TEKT5: variants seen among roughly 807,000 people sequenced by gnomAD.
TEKT5 encodes tektin-5.
In TEKT5, 52 loss-of-function variants were observed where a neutral mutation model predicts 48.7. That is an observed-to-expected ratio of 1.07 (90% CI 0.86 to 1.35). The LOEUF (loss-of-function observed/expected upper bound fraction) is 1.35, where lower values mean the gene tolerates loss of function less well. Among genes scored for constraint, TEKT5 ranks in the 40% most tolerant of loss-of-function variants. The pLI is 0.00. For synonymous variants in TEKT5, 318 were observed against 267.6 expected (o/e 1.19, Z -1.84); for missense variants, 831 against 641.6 (o/e 1.30, Z -3.19).
At chr16:10,676,427 G>A (rs1000436062) in intron 4 of TEKT5, among the ~76,000 whole-genome samples, 11 of 152,152 alleles carry the variant, frequency 7.2e-5, no homozygotes, top group African/African-American at 2.7e-4. Flanking sequence ...AAATGGGAGG[G>A]TGCAGTCGCC....
chr16:10,673,050 TC>T (rs1359247807), intron 5 of TEKT5, among the ~76,000 whole-genome samples: 4 of 152,104 alleles, frequency 2.6e-5, no homozygotes, highest in African/African-American at 9.7e-5. Flanking sequence ...AAGAAAGTTG[TC>T]CAAGTTTATA....
chr16:10,649,157 T>C (rs1898115331), intron 5 of TEKT5, among the ~76,000 whole-genome samples: 1 of 152,172 alleles, frequency 6.6e-6, no homozygotes, highest in African/African-American at 2.4e-5. Flanking sequence ...CTCACTATGT[T>C]GCCTAGGCTG....
rs747708531 is a variant in TEKT5 at position 10,694,653 on chromosome 16, G to A, written c.221C>T (p.Pro74Leu). The A allele has an allele frequency of 9.3e-6, 15 of 1,613,044 alleles. No homozygotes were observed. The highest frequency in any genetic ancestry group is 1.7e-5 in the Admixed American group (1 of 59,950). The change falls in exon 1 of 7, where the codon CCG becomes CTG. Residue 74 changes from proline (P) to leucine (L), a missense_variant. Pro to Leu is a moderately conservative substitution (Grantham distance 98). Coordinates refer to ENST00000283025, the MANE Select transcript of TEKT5 (RefSeq NM_144674.2). ...GCGCAGTGTGGGCAGGATGGTGGGC[G>A]GCCGCAGGGTACTGGTGCTCTCGTC... Reference protein sequence around the residue: ...CPDESTSTLRPPTILPTLRSA... With the variant: ...CPDESTSTLRLPTILPTLRSA...
At chr16:10,630,521 G>T (rs1897824152) in intron 6 of TEKT5, among the ~76,000 whole-genome samples, 1 of 152,226 alleles carries the variant, frequency 6.6e-6, no homozygotes, top group African/African-American at 2.4e-5. Flanking sequence ...TTTGAGCAGA[G>T]AAGAAAGATA....
At chr16:10,665,672 G>C (rs1230391953) in intron 5 of TEKT5, among the ~76,000 whole-genome samples, 1 of 152,134 alleles carries the variant, frequency 6.6e-6, no homozygotes, top group African/African-American at 2.4e-5. Context: ...ACAGCTCTCA[G>C]AATTTCCCAT....
intron 5 of TEKT5, among the ~76,000 whole-genome samples, chr16:10,636,232 G>A (rs905841215): frequency 3.3e-5 from 5 of 152,160 alleles, no homozygotes; most frequent in Admixed American, 6.5e-5. Flanking sequence ...AAAATTAGCC[G>A]GGCGTGGTGG....
intron 5 of TEKT5, among the ~76,000 whole-genome samples, chr16:10,643,497 A>T (rs1898024911): frequency 6.6e-6 from 1 of 152,238 alleles, no homozygotes; most frequent in Non-Finnish European, 1.5e-5. Context: ...CATACTATTC[A>T]TGCTATAGCC....
At chr16:10,652,742 G>A (rs58875801) in intron 5 of TEKT5, among the ~76,000 whole-genome samples, 3 of 75,676 alleles carry the variant, frequency 4.0e-5, no homozygotes, top group East Asian at 3.9e-4. Context: ...GCCAGGTAGA[G>A]TGATCCCTTA....
rs1200504386 is a variant in TEKT5 at position 10,694,555 on chromosome 16, C to T, written c.319G>A (p.Ala107Thr). 6.2e-7 allele frequency: 1 copy of T among 1,603,498 alleles called. No individual in the cohort carries two copies. The highest frequency in any genetic ancestry group is 1.7e-5 in the Admixed American group (1 of 59,084). Residue 107 changes from alanine (A) to threonine (T), a missense_variant, in exon 1 of 7, where the codon GCC becomes ACC. Ala to Thr is a moderately conservative substitution (Grantham distance 58). Transcript: ENST00000283025. ...AGCCGGCTGGCCCACAGCCGGGAGG[C>T]CTCGGCCCCACGCACCTGCAGCTGG... ...SNQLQVRGAE[A>T]SRLWASRLTD...
rs887269131 is a variant in TEKT5, at chr16:10,682,068, T to C, written c.788A>G (p.Asp263Gly). ...LEDKSSAQCI[D>G]EKCFNLRNTS... Reference sequence around the variant, plus strand: ...ATTTCTCAGGTTAAAGCACTTCTCATCGATACACTGGGCCGAGCTTTTGTC... The same window carrying C: ...ATTTCTCAGGTTAAAGCACTTCTCACCGATACACTGGGCCGAGCTTTTGTC... The change falls in exon 4 of 7, where the codon GAT (aspartate) becomes GGT (glycine). Residue 263 changes from aspartate (D) to glycine (G), a missense_variant. Transcript: ENST00000283025. 1.2e-6 allele frequency: 2 copies of C among 1,614,208 alleles called. No individual in the cohort carries two copies. The highest frequency in any genetic ancestry group is 1.7e-6 in the Non-Finnish European group (2 of 1,180,038).
chr16:10,659,359 C>G (rs1898320631), intron 5 of TEKT5, among the ~76,000 whole-genome samples: 2 of 152,138 alleles, frequency 1.3e-5, no homozygotes, highest in African/African-American at 4.8e-5. Context: ...GTGTTCTTTG[C>G]TGTGTTATAC....
intron 5 of TEKT5, among the ~76,000 whole-genome samples, chr16:10,652,869 A>ACACACC (rs1178174946): frequency 0.099 from 8,743 of 88,286 alleles, 1,097 homozygotes; most frequent in Middle Eastern, 0.22. Flanking sequence ...ACACACACAC[A>ACACACC]CCCTCCAGGT....
intron 1 of TEKT5, among the ~76,000 whole-genome samples, chr16:10,692,004 C>T (rs1240738163): frequency 1.3e-5 from 2 of 150,604 alleles, no homozygotes; most frequent in East Asian, 3.9e-4. Flanking sequence ...GAACCAGTGG[C>T]TGCTGTAAGG....
chr16:10,645,969 A>AG lies in TEKT5; in HGVS notation c.1087-10052dup, dbSNP rs1171695082. On this transcript the variant is annotated intron_variant, in intron 5 of 6. Transcript: ENST00000283025. ...CAATATAGTGAGACCCCATCTCTAC[A>AG]GAAAAAAAAGAAAAACTGGCCAGGC... is the stretch of plus-strand genomic sequence containing the variant. Among the ~76,000 whole-genome samples, 4 of 151,924 alleles carry AG rather than the reference A, an allele frequency of 2.6e-5. 1 individual carries two copies. Among genetic ancestry groups the AG allele is most frequent in the Non-Finnish European group, 5.9e-5 (4 of 67,990 alleles).
At chr16:10,640,997 G>C (rs74007198) in intron 5 of TEKT5, among the ~76,000 whole-genome samples, 2,083 of 152,232 alleles carry the variant, frequency 0.014, 55 homozygotes, top group African/African-American at 0.048. Context: ...ATGCCTAGGA[G>C]TGGAATAGCT....
chr16:10,681,071 G>C (rs149095771), intron 4 of TEKT5, among the ~76,000 whole-genome samples: 2 of 148,048 alleles, frequency 1.4e-5, no homozygotes, highest in African/African-American at 5.0e-5. Flanking sequence ...TCACAATGCT[G>C]TGATATGCCC....
chr16:10,690,607 G>T lies in TEKT5; in HGVS notation c.565-582C>A, dbSNP rs1240877428. ...GCCCCTAAATATTACCTGTGAATATGCATGAAAACCCCTCTTTGCAGATCT... is the reference window on the plus strand; with the variant it reads ...GCCCCTAAATATTACCTGTGAATATTCATGAAAACCCCTCTTTGCAGATCT... On this transcript the variant is annotated intron_variant, in intron 1 of 6. Coordinates refer to ENST00000283025, the MANE Select transcript of TEKT5 (RefSeq NM_144674.2). 6.1e-6 allele frequency: 6 copies of T among 985,272 alleles called. No homozygotes were observed. In the African/African-American group the frequency reaches 8.7e-5, roughly 14 times the overall value. The allele number at this position is 985,272 out of a possible 1,614,324, so 61.0% of individuals were successfully genotyped here.
chr16:10,653,961 G>A (rs548872606), intron 5 of TEKT5, among the ~76,000 whole-genome samples: 2 of 152,068 alleles, frequency 1.3e-5, no homozygotes, highest in South Asian at 4.1e-4. Context: ...TGCCCACAAG[G>A]TTACTGGGGG....
chr16:10,677,853 G>C (rs1405545670), intron 4 of TEKT5, among the ~76,000 whole-genome samples: 1 of 151,874 alleles, frequency 6.6e-6, no homozygotes, highest in African/African-American at 2.4e-5. Context: ...AGAGAGCCCA[G>C]GAGAGGTCTG....
Sources: gnomAD v4.1 joint callset for allele counts (sites outside exome capture counted in the v4.1 genomes callset) on GRCh38, gnomAD v4.1.1 for gene constraint, MANE v1.5 for transcripts, NCBI Gene and HGNC (gene_info 2026-07-23, HGNC 2026-07-21) for gene names.